Variants in CNGA3 observed in about 807,000 individuals in gnomAD.
CNGA3 encodes the protein cyclic nucleotide gated channel subunit alpha 3, also known as cyclic nucleotide-gated channel alpha-3.
Under a neutral mutation model 46.6 loss-of-function variants are expected in CNGA3, and 42 were observed. The observed-to-expected ratio is 0.90, with a 90% CI of 0.70 to 1.17. CNGA3 has a LOEUF of 1.17. CNGA3 is among the 50% of genes most tolerant of loss of function. The pLI, the probability that CNGA3 is intolerant of heterozygous loss-of-function variation, is 0.00. For missense variants in CNGA3, 893 were observed against 890.7 expected, an observed-to-expected ratio of 1.00 and a Z score of -0.03; for synonymous variants, 394 against 369.4, an observed-to-expected ratio of 1.07 and a Z score of -0.76.
At chr2:98,382,230 T>C (rs924532231) in intron 4 of CNGA3, among the ~76,000 whole-genome samples, 17 of 152,294 alleles carry the variant, frequency 1.1e-4, no homozygotes, top group African/African-American at 3.8e-4. Flanking sequence ...AGGCAAAGTC[T>C]CCACTGCAAA....
intron 4 of CNGA3, among the ~76,000 whole-genome samples, chr2:98,381,897 AG>A (rs1031309295): frequency 1.3e-5 from 2 of 152,092 alleles, no homozygotes; most frequent in African/African-American, 4.8e-5. Flanking sequence ...AGGAAGAGGG[AG>A]GGGGGAAAAA....
rs544874644 is a variant in CNGA3 at position 98,396,724 on chromosome 2, G to A, written c.1554G>A (p.Glu518=). Residue 518 remains glutamate, a synonymous_variant, in exon 8 of 8, where the codon GAG becomes GAA. Transcript: ENST00000272602. ...GCAAGAAGGGAGATATTGGGAAGGA[G>A]ATGTACATCATCAACGAGGGCAAGC... ...YICKKGDIGK[E]MYIINEGKLA... 16 of 1,614,206 alleles carry A rather than the reference G, an allele frequency of 9.9e-6. No homozygotes were observed. Among genetic ancestry groups the A allele is most frequent in the African/African-American group, 8.0e-5 (6 of 75,066 alleles).
chr2:98,383,527 T>C (rs766844244), intron 5 of CNGA3, 86 bp downstream of exon 5: 11 of 1,225,662 alleles, frequency 9.0e-6, no homozygotes, highest in Non-Finnish European at 1.3e-5. Flanking sequence ...CTCTCCTTAG[T>C]GCTCCTGCTC....
intron 1 of CNGA3, among the ~76,000 whole-genome samples, chr2:98,354,090 A>G (rs1393035731): frequency 6.6e-6 from 1 of 152,074 alleles, no homozygotes; most frequent in Non-Finnish European, 1.5e-5. Flanking sequence ...CCTACGTACA[A>G]CCTCCTGTGT....
intron 1 of CNGA3, among the ~76,000 whole-genome samples, chr2:98,347,650 C>A (rs1300182973): frequency 6.6e-6 from 1 of 152,220 alleles, no homozygotes; most frequent in Non-Finnish European, 1.5e-5. Context: ...GACACGCAGT[C>A]CGCCGGCTCA....
At chr2:98,365,124 G>A (rs778511635) in intron 1 of CNGA3, among the ~76,000 whole-genome samples, 74 of 151,288 alleles carry the variant, frequency 4.9e-4, no homozygotes, top group Admixed American at 1.5e-3. Flanking sequence ...TGCAACCTCC[G>A]CCTCCCCGGT....
At chr2:98,351,780 A>G (rs1338248697) in intron 1 of CNGA3, among the ~76,000 whole-genome samples, 3 of 152,198 alleles carry the variant, frequency 2.0e-5, no homozygotes, top group Middle Eastern at 3.4e-3. Context: ...ATGTTTCATG[A>G]GTTTCTTGTA....
At chr2:98,389,535 A>ACCTT in intron 5 of CNGA3, 123 bp from the exon 6 acceptor site, 1 of 840,528 alleles carries the variant, frequency 1.2e-6, no homozygotes, top group Non-Finnish European at 2.1e-6. Flanking sequence ...TGAGACTAAG[A>ACCTT]GGACCCTGTT....
chr2:98,396,212 C>T lies in CNGA3; in HGVS notation c.1042C>T (p.Leu348Phe), dbSNP rs1692908566. The change falls in exon 8 of 8, where the codon CTC (leucine) becomes TTC (phenylalanine). Residue 348 changes from leucine (L) to phenylalanine (F), a missense_variant. Physicochemically the swap from Leu to Phe is conservative, Grantham distance 22. Coordinates refer to ENST00000272602, the MANE Select transcript of CNGA3 (RefSeq NM_001298.3). ...CATCTCAATCCCAGAGCATGGGCGC[C>T]TCTCCAGGAAGTACATTTACAGTCT... ...PNISIPEHGRLSRKYIYSLYW... is the reference protein window; with the variant it reads ...PNISIPEHGRFSRKYIYSLYW... 1 of 1,614,054 alleles carries T rather than the reference C, an allele frequency of 6.2e-7. No homozygotes were observed. Among genetic ancestry groups the T allele is most frequent in the Non-Finnish European group, 8.5e-7 (1 of 1,180,048 alleles).
chr2:98,380,932 C>G (rs527754422), intron 4 of CNGA3, among the ~76,000 whole-genome samples: 5 of 152,070 alleles, frequency 3.3e-5, no homozygotes, highest in African/African-American at 1.2e-4. Context: ...GAGAGTAGAG[C>G]GAGGTGGGGA....
Position 98,370,043 on chromosome 2 carries a change from G to C in CNGA3, c.68G>C (p.Arg23Pro). 2 of 1,613,896 alleles carry C rather than the reference G, an allele frequency of 1.2e-6. No individual in the cohort carries two copies. Among genetic ancestry groups the C allele is most frequent in the Non-Finnish European group, 1.7e-6 (2 of 1,179,944 alleles). Reference protein sequence around the residue: ...RTHLKVKTSDRDLNRAENGLS... With the variant: ...RTHLKVKTSDPDLNRAENGLS... Reference sequence around the variant, plus strand: ...CACCTCAAGGTAAAGACCTCAGACCGAGATCTCAATCGCGCTGAAAATGGC... The same window carrying C: ...CACCTCAAGGTAAAGACCTCAGACCCAGATCTCAATCGCGCTGAAAATGGC... The change falls in exon 2 of 8, where the codon CGA (arginine) becomes CCA (proline). Residue 23 changes from arginine (R) to proline (P), a missense_variant. Arg to Pro is a moderately radical substitution (Grantham distance 103). Coordinates refer to ENST00000272602, the MANE Select transcript of CNGA3 (RefSeq NM_001298.3).
intron 5 of CNGA3, among the ~76,000 whole-genome samples, chr2:98,388,589 T>A (rs1470741958): frequency 6.6e-6 from 1 of 152,162 alleles, no homozygotes; most frequent in Non-Finnish European, 1.5e-5. Context: ...CAAGGGGGGC[T>A]TATAAGTAAA....
At chr2:98,394,435 T>C (rs1026418419) in intron 7 of CNGA3, among the ~76,000 whole-genome samples, 2 of 152,202 alleles carry the variant, frequency 1.3e-5, no homozygotes, top group Non-Finnish European at 2.9e-5. Context: ...CATTGCTGAC[T>C]GGTGAAATCA....
chr2:98,378,037 G>A, intron 3 of CNGA3: 1 of 1,547,646 alleles, frequency 6.5e-7, no homozygotes. Context: ...AATAAAAGCT[G>A]ACATTGAGGT....
At chr2:98,380,145 C>A (rs374392439) in intron 3 of CNGA3, 30 bp from the exon 4 acceptor site, 1 of 1,613,156 alleles carries the variant, frequency 6.2e-7, no homozygotes, top group Non-Finnish European at 8.5e-7. Context: ...TTTCCTCTCC[C>A]TCTGGCTCAG....
chr2:98,358,266 G>T (rs1041797224), intron 1 of CNGA3, among the ~76,000 whole-genome samples: 1 of 152,152 alleles, frequency 6.6e-6, no homozygotes, highest in African/African-American at 2.4e-5. Context: ...TTTCCTATAG[G>T]AATTGACCAA....
At position 98,383,411 on chromosome 2, in the gene CNGA3, A is replaced by G. The variant is rs760819593; in HGVS notation, c.419A>G (p.Asn140Ser). 2 of 1,614,066 alleles carry G rather than the reference A, an allele frequency of 1.2e-6. No individual in the cohort carries two copies. Among genetic ancestry groups the G allele is most frequent in the Non-Finnish European group, 1.7e-6 (2 of 1,180,050 alleles). Residue 140 changes from asparagine (N) to serine (S), a missense_variant, in exon 5 of 8, where the codon AAC becomes AGC. Physicochemically the swap from Asn to Ser is conservative, Grantham distance 46. Coordinates refer to ENST00000272602, the MANE Select transcript of CNGA3 (RefSeq NM_001298.3). ...GRSAWPLAKC[N>S]TNTSNNTEEE... Reference sequence around the variant, plus strand: ...AGCGCCTGGCCCCTGGCCAAATGCAACACTAACACCAGCAACAACACGGAG... The same window carrying G: ...AGCGCCTGGCCCCTGGCCAAATGCAGCACTAACACCAGCAACAACACGGAG...
At chr2:98,392,852 G>A (rs72819958) in intron 7 of CNGA3, among the ~76,000 whole-genome samples, 69 of 152,334 alleles carry the variant, frequency 4.5e-4, no homozygotes, top group Non-Finnish European at 8.5e-4. Context: ...GATGGGAAAG[G>A]ATACTCACCC....
At chr2:98,370,555 AG>A (rs977209082) in intron 2 of CNGA3, among the ~76,000 whole-genome samples, 14 of 152,178 alleles carry the variant, frequency 9.2e-5, no homozygotes, top group African/African-American at 2.9e-4. Context: ...GGGCCTGTAT[AG>A]GGAGTGGGCA....
Sources: gnomAD v4.1 joint callset for allele counts (sites outside exome capture counted in the v4.1 genomes callset) on GRCh38, gnomAD v4.1.1 for gene constraint, MANE v1.5 for transcripts, NCBI Gene and HGNC (gene_info 2026-07-23, HGNC 2026-07-21) for gene names.